ZNF385D: variants seen among roughly 807,000 people sequenced by gnomAD.
The protein encoded by ZNF385D is zinc finger protein 385D.
A neutral mutation model predicts 35.8 loss-of-function variants in ZNF385D; 15 were observed. The ratio of observed to expected loss-of-function variants is 0.42; its 90% CI spans 0.28 to 0.64. The LOEUF is 0.64. Among genes scored for constraint, ZNF385D ranks in the 30% least tolerant of loss-of-function variants. The pLI is 0.23. For synonymous variants in ZNF385D, 212 were observed against 186.8 expected (o/e 1.13, Z -1.10); for missense variants, 474 against 494.6 (o/e 0.96, Z 0.39).
intron 3 of ZNF385D, among the ~76,000 whole-genome samples, chr3:22,036,535 T>C (rs1054759037): frequency 2.6e-5 from 4 of 151,950 alleles, no homozygotes. Flanking sequence ...GAAATAGTAG[T>C]GATATGAGTA....
chr3:22,135,826 C>A (rs1704066226), intron 3 of ZNF385D, among the ~76,000 whole-genome samples: 1 of 152,132 alleles, frequency 6.6e-6, no homozygotes, highest in South Asian at 2.1e-4. Context: ...AATTGACCCA[C>A]ACAAGTACAG....
intron 3 of ZNF385D, among the ~76,000 whole-genome samples, chr3:22,155,640 G>A (rs931068449): frequency 1.3e-5 from 2 of 152,170 alleles, no homozygotes; most frequent in East Asian, 1.9e-4. Context: ...TGTCTCAAAT[G>A]TAAGAACTCC....
rs1083721 is a variant in ZNF385D, at chr3:22,137,585, C to T, written c.325+31232G>A. On this transcript the variant is annotated intron_variant, in intron 3 of 5. Transcript: ENST00000494108. The stretch of plus-strand genomic sequence containing the variant: ...AAGACAAAAATCACGATTATCTCAA[C>T]AGATGCAGAAAAGGCCTTTGACAAA... 2.1e-4 allele frequency among the ~76,000 whole-genome samples: 32 copies of T among 152,234 alleles called. 1 individual carries two copies. Among genetic ancestry groups the T allele is most frequent in the Admixed American group, 1.6e-3 (25 of 15,276 alleles).
At chr3:21,997,496 A>T (rs898395527) in intron 3 of ZNF385D, among the ~76,000 whole-genome samples, 1 of 152,036 alleles carries the variant, frequency 6.6e-6, no homozygotes, top group African/African-American at 2.4e-5. Context: ...CTTAAAGTAT[A>T]ATAATAATAA....
At chr3:22,349,497 C>T (rs1227052936) in intron 2 of ZNF385D, among the ~76,000 whole-genome samples, 1 of 152,078 alleles carries the variant, frequency 6.6e-6, no homozygotes, top group South Asian at 2.1e-4. Flanking sequence ...TGTTTCCTAC[C>T]TCACACGTAC....
At chr3:22,058,233 T>C (rs947582557) in intron 3 of ZNF385D, among the ~76,000 whole-genome samples, 51 of 152,340 alleles carry the variant, frequency 3.3e-4, no homozygotes, top group African/African-American at 1.2e-3. Flanking sequence ...TGTATTAGAA[T>C]ACTTTTTGCT....
In ZNF385D at chr3:21,421,452, A is replaced by C; in HGVS notation, c.955-5T>G. 1 of 1,596,364 alleles carries C rather than the reference A, an allele frequency of 6.3e-7. No homozygotes were observed. Among genetic ancestry groups the C allele is most frequent in the Non-Finnish European group, 8.6e-7 (1 of 1,167,560 alleles). ...TTTTGAAAATACTAATTTTACCTGC[A>C]AGGGAGAAAAAATATTGTAAAAAAA... On this transcript the variant is annotated splice_polypyrimidine_tract_variant and splice_region_variant and intron_variant, in intron 7 of 7. Coordinates refer to ENST00000281523, the MANE Select transcript of ZNF385D (RefSeq NM_024697.3).
chr3:22,199,620 GA>G (rs767739178), intron 2 of ZNF385D, among the ~76,000 whole-genome samples: 1 of 152,084 alleles, frequency 6.6e-6, no homozygotes, highest in Non-Finnish European at 1.5e-5. Context: ...TACTGGAGGA[GA>G]ACTGTGCTAA....
At chr3:21,873,383 T>C (rs1424787996) in intron 3 of ZNF385D, among the ~76,000 whole-genome samples, 4 of 152,162 alleles carry the variant, frequency 2.6e-5, no homozygotes, top group Admixed American at 6.6e-5. Flanking sequence ...GGAAGTGGCA[T>C]AGCCATGATA....
At chr3:21,605,918 C>A (rs2064465270) in intron 2 of ZNF385D, among the ~76,000 whole-genome samples, 1 of 152,144 alleles carries the variant, frequency 6.6e-6, no homozygotes, top group Non-Finnish European at 1.5e-5. Context: ...GCAAAATAAT[C>A]CATGAACACA....
chr3:22,256,395 G>A (rs940489840), intron 2 of ZNF385D, among the ~76,000 whole-genome samples: 3 of 151,768 alleles, frequency 2.0e-5, no homozygotes, highest in African/African-American at 7.2e-5. Context: ...GCTAATAGGA[G>A]AGGCTTCTGA....
chr3:21,603,622 TATG>T lies in ZNF385D; in HGVS notation c.166-38941_166-38939del, dbSNP rs2064385668. Among the ~76,000 whole-genome samples, 7 of 152,230 alleles carry T rather than the reference TATG, an allele frequency of 4.6e-5. No homozygotes were observed. In the South Asian group the frequency reaches 1.4e-3, roughly 32 times the overall value. ...GCAAAGTGCAGAACAATATGTCTAA[TATG>T]ATTACATTTGTTTTAAAAATATACA... On this transcript the variant is annotated intron_variant, in intron 2 of 7. Coordinates refer to ENST00000281523, the MANE Select transcript of ZNF385D (RefSeq NM_024697.3).
At chr3:21,536,283 C>G (rs1247697346) in intron 3 of ZNF385D, among the ~76,000 whole-genome samples, 2 of 152,072 alleles carry the variant, frequency 1.3e-5, no homozygotes, top group Non-Finnish European at 2.9e-5. Context: ...CACTATAAAA[C>G]TAATGTCCAT....
At chr3:21,923,488 C>T (rs936233958) in intron 3 of ZNF385D, among the ~76,000 whole-genome samples, 2 of 152,134 alleles carry the variant, frequency 1.3e-5, no homozygotes, top group African/African-American at 4.8e-5. Flanking sequence ...TACTATTTGA[C>T]CAGCAATCCC....
At chr3:21,658,913 A>C (rs953634953) in intron 2 of ZNF385D, among the ~76,000 whole-genome samples, 1 of 152,072 alleles carries the variant, frequency 6.6e-6, no homozygotes, top group Non-Finnish European at 1.5e-5. Context: ...TGTAGAGTAC[A>C]CTGTTTAGTT....
chr3:21,592,556 CCAAAAACAAAAAAAAAAA>C, intron 2 of ZNF385D, among the ~76,000 whole-genome samples: 1 of 60,652 alleles, frequency 1.6e-5, no homozygotes, highest in Middle Eastern at 9.3e-3. Flanking sequence ...AAAAAAAAAA[CCAAAAACAAAAAAAAAAA>C]ACAATTATTG....
At chr3:22,363,556 A>G (rs1319532829) in intron 2 of ZNF385D, among the ~76,000 whole-genome samples, 1 of 152,154 alleles carries the variant, frequency 6.6e-6, no homozygotes, top group African/African-American at 2.4e-5. Flanking sequence ...CTTTATGAAG[A>G]CTCATGAGAA....
chr3:22,067,020 G>A (rs1699995380), intron 3 of ZNF385D, among the ~76,000 whole-genome samples: 1 of 152,160 alleles, frequency 6.6e-6, no homozygotes. Flanking sequence ...CACCTAATGT[G>A]ACTATAAAGA....
intron 2 of ZNF385D, among the ~76,000 whole-genome samples, chr3:21,594,571 G>T (rs2064076951): frequency 6.6e-6 from 1 of 152,186 alleles, no homozygotes; most frequent in Non-Finnish European, 1.5e-5. Context: ...AAACGGGATT[G>T]TGGGGGCCTG....
Sources: gnomAD v4.1 joint callset for allele counts (sites outside exome capture counted in the v4.1 genomes callset) on GRCh38, gnomAD v4.1.1 for gene constraint, MANE v1.5 for transcripts, NCBI Gene and HGNC (gene_info 2026-07-23, HGNC 2026-07-21) for gene names.